Variants in GNAQ observed in about 807,000 individuals in gnomAD.
GNAQ encodes G protein subunit alpha q.
Under a neutral mutation model 43.9 loss-of-function variants are expected in GNAQ, and 8 were observed. That is an observed-to-expected ratio of 0.18 (90% CI 0.11 to 0.33). GNAQ has a LOEUF of 0.33. Ranked by LOEUF, GNAQ falls within the 10% of genes least tolerant of loss-of-function variation. The probability of loss-of-function intolerance (pLI) is 1.00; values close to 1 mark genes in which losing one functional copy is unlikely to be tolerated. For synonymous variants in GNAQ, 155 were observed against 170.7 expected (o/e 0.91, Z 0.71); for missense variants, 158 against 450.8 (o/e 0.35, Z 5.88).
intron 2 of GNAQ, among the ~76,000 whole-genome samples, chr9:77,881,659 C>T (rs1403565044): frequency 6.6e-6 from 1 of 152,168 alleles, no homozygotes; most frequent in Non-Finnish European, 1.5e-5. Flanking sequence ...ACTGGGATTA[C>T]AGGCATGAGC....
chr9:77,908,278 C>G (rs1196422722), intron 2 of GNAQ, among the ~76,000 whole-genome samples: 1 of 152,116 alleles, frequency 6.6e-6, no homozygotes, highest in Admixed American at 6.5e-5. Flanking sequence ...TCCATGAACC[C>G]CTTCAGAAGG....
At chr9:77,827,165 G>T (rs1827211258) in intron 2 of GNAQ, among the ~76,000 whole-genome samples, 1 of 151,556 alleles carries the variant, frequency 6.6e-6, no homozygotes, top group Non-Finnish European at 1.5e-5. Context: ...TCATTATATT[G>T]CATTAATCTC....
chr9:77,963,185 A>G (rs1007330247), intron 1 of GNAQ, among the ~76,000 whole-genome samples: 5 of 152,194 alleles, frequency 3.3e-5, no homozygotes, highest in East Asian at 1.9e-4. Context: ...TCAGCAGTTT[A>G]TAAGTGGATA....
intron 1 of GNAQ, among the ~76,000 whole-genome samples, chr9:78,014,049 A>T (rs1823807308): frequency 6.6e-6 from 1 of 152,208 alleles, no homozygotes; most frequent in South Asian, 2.1e-4. Context: ...ATGACTACTA[A>T]AAGTTATATA....
chr9:77,742,062 G>C (rs752952067), intron 5 of GNAQ, among the ~76,000 whole-genome samples: 3 of 152,174 alleles, frequency 2.0e-5, no homozygotes, highest in South Asian at 2.1e-4. Context: ...GTGCACACCA[G>C]AGCAAGGCCC....
chr9:77,947,454 C>A (rs1822918608), intron 1 of GNAQ, among the ~76,000 whole-genome samples: 1 of 152,170 alleles, frequency 6.6e-6, no homozygotes, highest in Non-Finnish European at 1.5e-5. Context: ...TCACAAAAGC[C>A]ATGTGTGACT....
At chr9:78,022,806 G>A (rs1003519456) in intron 1 of GNAQ, among the ~76,000 whole-genome samples, 1 of 152,128 alleles carries the variant, frequency 6.6e-6, no homozygotes, top group Non-Finnish European at 1.5e-5. Flanking sequence ...CAAAGCGCAG[G>A]TCCTAAATAT....
chr9:77,949,538 G>A (rs1180283062), intron 1 of GNAQ, among the ~76,000 whole-genome samples: 1 of 152,134 alleles, frequency 6.6e-6, no homozygotes, highest in Non-Finnish European at 1.5e-5. Flanking sequence ...AAGTCCCAAA[G>A]CCCTTGGTTG....
At chr9:78,019,533 G>A (rs1054862263) in intron 1 of GNAQ, among the ~76,000 whole-genome samples, 1 of 152,186 alleles carries the variant, frequency 6.6e-6, no homozygotes, top group East Asian at 1.9e-4. Flanking sequence ...TTTTGTTTCT[G>A]CACTACTGAG....
intron 2 of GNAQ, among the ~76,000 whole-genome samples, chr9:77,853,668 C>G (rs1433506268): frequency 6.7e-6 from 1 of 150,058 alleles, no homozygotes; most frequent in Non-Finnish European, 1.5e-5. Context: ...TGCACAACCA[C>G]AGGTCACAGA....
intron 1 of GNAQ, among the ~76,000 whole-genome samples, chr9:77,964,208 T>C (rs1215183401): frequency 1.3e-5 from 2 of 152,184 alleles, no homozygotes; most frequent in Admixed American, 6.5e-5. Flanking sequence ...CCGGTTAACT[T>C]ATCGAAAGGA....
intron 2 of GNAQ, among the ~76,000 whole-genome samples, chr9:77,865,926 TAC>T (rs988028347): frequency 6.6e-6 from 1 of 152,352 alleles, no homozygotes; most frequent in African/African-American, 2.4e-5. Flanking sequence ...CTGTGCTGGC[TAC>T]AGTTTCCAGT....
chr9:77,895,529 C>T (rs917916506), intron 2 of GNAQ, among the ~76,000 whole-genome samples: 2 of 152,166 alleles, frequency 1.3e-5, no homozygotes, highest in Admixed American at 1.3e-4. Context: ...TAGAGAGAAC[C>T]TTCTCTTGGT....
At chr9:77,904,772 A>C (rs1278135528) in intron 2 of GNAQ, among the ~76,000 whole-genome samples, 1 of 152,206 alleles carries the variant, frequency 6.6e-6, no homozygotes, top group Non-Finnish European at 1.5e-5. Flanking sequence ...ATGCTGAACC[A>C]CATCAACATG....
chr9:77,763,144 A>ACAAC (rs112579428), intron 5 of GNAQ, among the ~76,000 whole-genome samples: 3 of 127,160 alleles, frequency 2.4e-5, no homozygotes, highest in African/African-American at 1.1e-4. Flanking sequence ...AAACAAACAA[A>ACAAC]AAAAAAAAAA....
intron 2 of GNAQ, among the ~76,000 whole-genome samples, chr9:77,903,898 G>A (rs531518676): frequency 2.6e-5 from 4 of 151,398 alleles, no homozygotes; most frequent in Admixed American, 2.0e-4. Context: ...CTGACAGCCA[G>A]GCTACACATA....
At chr9:77,898,620 AATGGATGGATGG>A (rs3083216) in intron 2 of GNAQ, among the ~76,000 whole-genome samples, 5 of 150,570 alleles carry the variant, frequency 3.3e-5, no homozygotes, top group African/African-American at 1.2e-4. Context: ...TGAATGAATA[AATGGATGGATGG>A]ATGGATGGAT....
At chr9:77,795,098 C>G (rs917419344) in intron 4 of GNAQ, among the ~76,000 whole-genome samples, 1 of 152,066 alleles carries the variant, frequency 6.6e-6, no homozygotes, top group Non-Finnish European at 1.5e-5. Flanking sequence ...AATGCAGATA[C>G]GACCCCACTC....
At chr9:77,846,509 G>A (rs1019490930) in intron 2 of GNAQ, among the ~76,000 whole-genome samples, 4 of 152,186 alleles carry the variant, frequency 2.6e-5, no homozygotes, top group African/African-American at 7.2e-5. Flanking sequence ...CCAAAGAAAC[G>A]TGGGCAATCC....
Sources: gnomAD v4.1 joint callset for allele counts (sites outside exome capture counted in the v4.1 genomes callset) on GRCh38, gnomAD v4.1.1 for gene constraint, MANE v1.5 for transcripts, NCBI Gene and HGNC (gene_info 2026-07-23, HGNC 2026-07-21) for gene names.